Variants in CFAP161 observed in about 807,000 individuals in gnomAD.
CFAP161 encodes the protein cilia and flagella associated protein 161, also known as cilia- and flagella-associated protein 161.
In CFAP161, 25 loss-of-function variants were observed where a neutral mutation model predicts 29.0. That is an observed-to-expected ratio of 0.86 (90% confidence interval 0.63 to 1.20). CFAP161 has a LOEUF of 1.20. CFAP161 is among the 50% of genes most tolerant of loss of function. The pLI is 0.00. For synonymous variants in CFAP161, 116 were observed against 137.4 expected (o/e 0.84, Z 1.09); for missense variants, 367 against 371.9 (o/e 0.99, Z 0.11).
chr15:81,111,791 C>G (rs1259053158), intron 1 of CFAP161, among the ~76,000 whole-genome samples: 1 of 152,212 alleles, frequency 6.6e-6, no homozygotes, highest in African/African-American at 2.4e-5. Flanking sequence ...AAATCCTATT[C>G]ATCATTTCTA....
upstream of CFAP161, among the ~76,000 whole-genome samples, chr15:81,131,507 G>T (rs1259402803): frequency 6.6e-6 from 1 of 152,118 alleles, no homozygotes; most frequent in Non-Finnish European, 1.5e-5. Context: ...ATAACCGAAT[G>T]TAAATTCTGT....
At chr15:81,145,285 C>T (rs1457497101) in intron 5 of CFAP161, among the ~76,000 whole-genome samples, 1 of 152,294 alleles carries the variant, frequency 6.6e-6, no homozygotes, top group African/African-American at 2.4e-5. Flanking sequence ...AAATTATTCT[C>T]TTTAGATGTC....
chr15:81,123,840 G>A (rs1176743997), intron 1 of CFAP161, among the ~76,000 whole-genome samples: 4 of 152,118 alleles, frequency 2.6e-5, no homozygotes, highest in African/African-American at 7.2e-5. Flanking sequence ...CTCTCAGGTT[G>A]ACTGTTGTTG....
chr15:81,117,777 TTTGTCATCA>T (rs1894517897), intron 1 of CFAP161: 1 of 299,478 alleles, frequency 3.3e-6, no homozygotes, highest in Non-Finnish European at 6.6e-6. Context: ...TGACTTCATC[TTTGTCATCA>T]TCCCCTTCTA....
At chr15:81,121,259 A>G (rs1894569078) in intron 1 of CFAP161, among the ~76,000 whole-genome samples, 1 of 152,186 alleles carries the variant, frequency 6.6e-6, no homozygotes, top group South Asian at 2.1e-4. Flanking sequence ...GACAAAATTT[A>G]CCATGCAAGA....
chr15:81,127,014 T>G (rs1894649976), intron 1 of CFAP161, among the ~76,000 whole-genome samples: 1 of 152,210 alleles, frequency 6.6e-6, no homozygotes, highest in Non-Finnish European at 1.5e-5. Flanking sequence ...AACTCTGAAT[T>G]TTCCTTGATA....
At chr15:81,126,867 A>C (rs951022723) in intron 1 of CFAP161, among the ~76,000 whole-genome samples, 6 of 152,244 alleles carry the variant, frequency 3.9e-5, no homozygotes, top group African/African-American at 1.4e-4. Flanking sequence ...GAATGCCATA[A>C]GTGGTGAGTT....
In CFAP161 at chr15:81,124,566, G is replaced by C. The variant is rs549459466; in HGVS notation, c.-141-3024G>C. ...AGGAGTCCCTCCTTTCTAATTTTTTGGAATAGTTTCCGTAGAAATGGTACC... is the reference window on the plus strand; with the variant it reads ...AGGAGTCCCTCCTTTCTAATTTTTTCGAATAGTTTCCGTAGAAATGGTACC... On this transcript the variant is annotated intron_variant, in intron 1 of 4. Coordinates refer to the CFAP161 transcript ENST00000560091. Among the ~76,000 whole-genome samples, 5 of 152,192 alleles carry C rather than the reference G, an allele frequency of 3.3e-5. No individual in the cohort carries two copies. In the South Asian group the frequency reaches 1.0e-3, roughly 32 times the overall value.
chr15:81,135,115 G>A (rs182907231), intron 1 of CFAP161, among the ~76,000 whole-genome samples, 155 bp from the exon 2 acceptor site: 14 of 152,286 alleles, frequency 9.2e-5, no homozygotes, highest in Admixed American at 9.1e-4. Context: ...AAATATTAAA[G>A]TAGTGCTAAA....
intron 1 of CFAP161, among the ~76,000 whole-genome samples, chr15:81,102,413 A>G (rs568722477): frequency 6.6e-6 from 1 of 152,308 alleles, no homozygotes; most frequent in African/African-American, 2.4e-5. Flanking sequence ...CACACCTATA[A>G]TCCCAGCACT....
intron 1 of CFAP161, among the ~76,000 whole-genome samples, chr15:81,110,126 T>C (rs770613780): frequency 3.3e-5 from 5 of 152,216 alleles, no homozygotes; most frequent in Non-Finnish European, 5.9e-5. Flanking sequence ...AGTGTGAGTT[T>C]GTTTTGGTGC....
intron 2 of CFAP161, among the ~76,000 whole-genome samples, chr15:81,128,837 G>C (rs1323781199): frequency 6.6e-6 from 1 of 151,914 alleles, no homozygotes; most frequent in Non-Finnish European, 1.5e-5. Context: ...GGTTGTGGTG[G>C]TTTATGCCTG....
At chr15:81,145,426 G>T (rs1222876844) in intron 5 of CFAP161, among the ~76,000 whole-genome samples, 1 of 152,276 alleles carries the variant, frequency 6.6e-6, no homozygotes, top group Non-Finnish European at 1.5e-5. Flanking sequence ...AAGACTAAAT[G>T]GTTAGTACAT....
At chr15:81,122,499 T>C (rs552020834) in intron 1 of CFAP161, among the ~76,000 whole-genome samples, 2 of 151,340 alleles carry the variant, frequency 1.3e-5, no homozygotes, top group African/African-American at 2.4e-5. Flanking sequence ...TTCTTTCTTT[T>C]TTTTTTTTTT....
upstream of CFAP161, among the ~76,000 whole-genome samples, chr15:81,133,227 A>ATATATATATAT (rs1567156509): frequency 2.0e-5 from 1 of 50,406 alleles, no homozygotes; most frequent in African/African-American, 7.1e-5. Context: ...ATATATATGT[A>ATATATATATAT]TTTTTTTTTA....
chr15:81,105,092 C>CCTCCCTCCCTCCCTCCCTCCCTCCCTT (rs1894345248), intron 1 of CFAP161, among the ~76,000 whole-genome samples: 1 of 53,452 alleles, frequency 1.9e-5, no homozygotes. Context: ...CTTTTCTTTT[C>CCTCCCTCCCTCCCTCCCTCCCTCCCTT]CCTCCCTCCC....
intron 1 of CFAP161, among the ~76,000 whole-genome samples, chr15:81,109,065 G>A (rs1315730539): frequency 6.6e-6 from 1 of 152,128 alleles, no homozygotes; most frequent in African/African-American, 2.4e-5. Flanking sequence ...CGGTGGAGAA[G>A]GGCTCTCCAG....
rs546743890 is a variant in CFAP161 at position 81,117,867 on chromosome 15, A to G, written c.-141-9723A>G. The stretch of plus-strand genomic sequence containing the variant: ...CATCCTCATTCTCCTAGTCCTTCTC[A>G]TCTTCTCCTTCTTCATCCTCCTCCT... On this transcript the variant is annotated intron_variant, in intron 1 of 4. Coordinates refer to the CFAP161 transcript ENST00000560091. 1.2e-4 allele frequency: 43 copies of G among 362,850 alleles called. 1 individual carries two copies. In the South Asian group the frequency reaches 1.3e-3, roughly 11 times the overall value. The allele number at this position is 362,850 out of a possible 1,614,324, so 22.5% of individuals were successfully genotyped here.
intron 1 of CFAP161, among the ~76,000 whole-genome samples, chr15:81,110,846 A>G (rs1388127602): frequency 6.6e-6 from 1 of 152,174 alleles, no homozygotes; most frequent in Non-Finnish European, 1.5e-5. Context: ...TCTGGTGGCC[A>G]TGCTGGGCTG....
Sources: gnomAD v4.1 joint callset for allele counts (sites outside exome capture counted in the v4.1 genomes callset) on GRCh38, gnomAD v4.1.1 for gene constraint, MANE v1.5 for transcripts, NCBI Gene and HGNC (gene_info 2026-07-23, HGNC 2026-07-21) for gene names.